Variants in SMG1 observed in about 807,000 individuals in gnomAD.
The protein encoded by SMG1 is serine/threonine-protein kinase SMG1.
In SMG1, 22 loss-of-function variants were observed where a neutral mutation model predicts 419.9. The ratio of observed to expected loss-of-function variants is 0.05; its 90% CI spans 0.04 to 0.07. SMG1 has a LOEUF of 0.07. SMG1 is among the 10% of genes least tolerant of loss of function. The pLI is 1.00. For synonymous variants in SMG1, 1,538 were observed against 1,553.5 expected (o/e 0.99, Z 0.23); for missense variants, 3,185 against 4,342.0 (o/e 0.73, Z 7.49).
Position 18,885,542 on chromosome 16 carries a change from C to G in SMG1, c.947G>C (p.Arg316Thr). Reference sequence around the variant, plus strand: ...TGAAAAGCGGAATGAGGAACTCACCCTAAAATTAGTGCTGAAAATATGAGG... The same window carrying G: ...TGAAAAGCGGAATGAGGAACTCACCGTAAAATTAGTGCTGAAAATATGAGG... Reference protein sequence around the residue: ...CYPHIFSTNFRDTVDILVGWH... With the variant: ...CYPHIFSTNFTDTVDILVGWH... The change falls in exon 7 of 63, where the codon AGG becomes ACG. Residue 316 changes from arginine (R) to threonine (T), a missense_variant and splice_region_variant. Arg to Thr is a moderately conservative substitution (Grantham distance 71). Transcript: ENST00000446231. 6.3e-7 allele frequency: 1 copy of G among 1,596,020 alleles called. No homozygotes were observed. Among genetic ancestry groups the G allele is most frequent in the Non-Finnish European group, 8.5e-7 (1 of 1,179,544 alleles).
intron 1 of SMG1, among the ~76,000 whole-genome samples, chr16:18,898,069 G>C (rs546532796): frequency 4.6e-5 from 7 of 152,256 alleles, no homozygotes; most frequent in Non-Finnish European, 7.4e-5. Context: ...AGCAGTGTTT[G>C]TATACTGTAT....
At chr16:18,922,061 T>C (rs1208781047) in intron 1 of SMG1, among the ~76,000 whole-genome samples, 1 of 152,246 alleles carries the variant, frequency 6.6e-6, no homozygotes, top group African/African-American at 2.4e-5. Flanking sequence ...TTCTGTTGAC[T>C]TGAATGCCTT....
At chr16:18,850,584 C>T in intron 33 of SMG1, 117 bp from the exon 34 acceptor site, 1 of 670,940 alleles carries the variant, frequency 1.5e-6, no homozygotes, top group Non-Finnish European at 2.5e-6. Flanking sequence ...AATTATCCCA[C>T]ATTTAGTGTT....
In SMG1 at chr16:18,847,479, T is replaced by C. The variant is rs1455530475; in HGVS notation, c.5970A>G (p.Arg1990=). ...RIQQLEDEVK[R]VQNNNTLRKE... ...TGCGTAAGGTGTTGTTGTTCTGGAC[T>C]CTCTTCACCTCATCTTCAAGCTGCT... Residue 1990 remains arginine (R), a synonymous_variant, in exon 38 of 63, where the codon AGA becomes AGG. Coordinates refer to ENST00000446231, the MANE Select transcript of SMG1 (RefSeq NM_015092.5). The C allele has an allele frequency of 2.5e-6, 4 of 1,614,046 alleles. No homozygotes were observed. Among genetic ancestry groups the C allele is most frequent in the Non-Finnish European group, 3.4e-6 (4 of 1,179,878 alleles).
chr16:18,868,095 A>T lies in SMG1; in HGVS notation c.3195+95T>A, dbSNP rs1596553850. On this transcript the variant is annotated intron_variant, in intron 22 of 62. Transcript: ENST00000446231. ...CCTTTGAAAATGAATCCAAGCTTTA[A>T]CTTATTTTATCCATAGATTAAATCA... The T allele has an allele frequency of 1.2e-5, 11 of 881,522 alleles. No homozygotes were observed. In the East Asian group the frequency reaches 2.9e-4, roughly 23 times the overall value. 54.6% of individuals were successfully genotyped at this position (881,522 alleles called of 1,614,324 possible). A position where few individuals can be genotyped will look rare whatever the true frequency, so the allele number is the denominator to read the frequency against.
At chr16:18,833,428 G>A (rs1288204740) in intron 50 of SMG1, among the ~76,000 whole-genome samples, 1 of 151,966 alleles carries the variant, frequency 6.6e-6, no homozygotes, top group Non-Finnish European at 1.5e-5. Flanking sequence ...TTCCTAGGAT[G>A]ATGTACCTTA....
chr16:18,828,005 T>C (rs765034983), intron 55 of SMG1, 26 bp downstream of exon 55: 6 of 1,602,260 alleles, frequency 3.7e-6, no homozygotes, highest in Non-Finnish European at 5.1e-6. Context: ...GAAAATGCCC[T>C]GGAAGGAAGA....
chr16:18,915,478 A>G (rs2037934543), intron 1 of SMG1, among the ~76,000 whole-genome samples: 1 of 152,152 alleles, frequency 6.6e-6, no homozygotes, highest in Non-Finnish European at 1.5e-5. Context: ...ACAAACTTGC[A>G]GGATCTCATT....
chr16:18,877,869 A>G (rs1185181760), intron 11 of SMG1: 6 of 152,230 alleles, frequency 3.9e-5, no homozygotes, highest in Non-Finnish European at 7.3e-5. Flanking sequence ...ACATTAGTAA[A>G]AAGAGGTGTA....
At position 18,839,799 on chromosome 16, in the gene SMG1, C is replaced by A. The variant is rs369440898; in HGVS notation, c.6844G>T (p.Ala2282Ser). 5 of 1,613,838 alleles carry A rather than the reference C, an allele frequency of 3.1e-6. No individual in the cohort carries two copies. Among genetic ancestry groups the A allele is most frequent in the Non-Finnish European group, 4.2e-6 (5 of 1,179,890 alleles). Reference sequence around the variant, plus strand: ...GCCTCCATTAACTCTTCCAATACTGCCTTCATTACATGAAGAGGCCAATCC... The same window carrying A: ...GCCTCCATTAACTCTTCCAATACTGACTTCATTACATGAAGAGGCCAATCC... Reference protein sequence around the residue: ...RRDWPLHVMKAVLEELMEATP... With the variant: ...RRDWPLHVMKSVLEELMEATP... Residue 2282 changes from alanine (A) to serine (S), a missense_variant, in exon 42 of 63, where the codon GCA becomes TCA. Physicochemically the swap from Ala to Ser is moderately conservative, Grantham distance 99. This residue lies in a region of SMG1 where 132 missense variants were observed against 151.0 expected (regional missense o/e 0.87). Coordinates refer to ENST00000446231, the MANE Select transcript of SMG1 (RefSeq NM_015092.5).
chr16:18,876,050 G>A, intron 13 of SMG1, 74 bp downstream of exon 13: 1 of 1,491,894 alleles, frequency 6.7e-7, no homozygotes, highest in Non-Finnish European at 9.3e-7. Flanking sequence ...TGACATGACA[G>A]TGAAATACAT....
At chr16:18,902,016 A>G (rs2037367798) in intron 1 of SMG1, among the ~76,000 whole-genome samples, 1 of 151,206 alleles carries the variant, frequency 6.6e-6, no homozygotes, top group African/African-American at 2.4e-5. Flanking sequence ...GCCACAGCAG[A>G]GTCTAATAAT....
chr16:18,830,776 A>G (rs564349511), intron 51 of SMG1, among the ~76,000 whole-genome samples: 7 of 152,162 alleles, frequency 4.6e-5, no homozygotes, highest in Non-Finnish European at 1.0e-4. Context: ...CTGGGCAACA[A>G]GAGCGAAACT....
chr16:18,890,346 A>G (rs1377320778), intron 5 of SMG1, among the ~76,000 whole-genome samples: 1 of 152,234 alleles, frequency 6.6e-6, no homozygotes, highest in Non-Finnish European at 1.5e-5. Flanking sequence ...TAAAAAAAAT[A>G]AAATATTCCA....
chr16:18,833,339 C>T (rs930942793), intron 50 of SMG1, among the ~76,000 whole-genome samples, 173 bp from the exon 51 acceptor site: 4 of 151,954 alleles, frequency 2.6e-5, no homozygotes, highest in Non-Finnish European at 5.9e-5. Context: ...ATTTTCTTTT[C>T]AAATTCTATT....
intron 1 of SMG1, among the ~76,000 whole-genome samples, chr16:18,915,812 T>C (rs2037950353): frequency 1.3e-5 from 2 of 151,998 alleles, no homozygotes; most frequent in Non-Finnish European, 2.9e-5. Flanking sequence ...CTCACGCCTG[T>C]AATCCCAGCA....
Position 18,807,049 on chromosome 16 carries a change from G to A in SMG1, c.*2520C>T, listed in dbSNP as rs1220817266. 1.3e-5 allele frequency: 2 copies of A among 152,124 alleles called. No individual in the cohort carries two copies. The highest frequency in any genetic ancestry group is 1.9e-4 in the East Asian group (1 of 5,198). 9.4% of individuals were successfully genotyped at this position (152,124 alleles called of 1,614,324 possible). A position where few individuals can be genotyped will look rare whatever the true frequency, so the allele number is the denominator to read the frequency against. On this transcript the variant is annotated 3_prime_UTR_variant, in exon 63 of 63. Coordinates refer to ENST00000446231, the MANE Select transcript of SMG1 (RefSeq NM_015092.5). ...GTGTATGCCACATTATTCTTGGAGG[G>A]ACCACTTTAAAACAAAAGTGATGGA...
At chr16:18,831,993 ATTAATAT>A (rs1336642318) in intron 51 of SMG1, among the ~76,000 whole-genome samples, 6 of 152,090 alleles carry the variant, frequency 3.9e-5, no homozygotes, top group Non-Finnish European at 7.4e-5. Flanking sequence ...TTTCTGCATT[ATTAATAT>A]TTAAGAATGA....
At chr16:18,895,501 C>CAAA (rs34296177) in intron 3 of SMG1, among the ~76,000 whole-genome samples, 1 of 141,976 alleles carries the variant, frequency 7.0e-6, no homozygotes, top group Non-Finnish European at 1.5e-5. Context: ...AAAACAACAA[C>CAAA]AAAAAAAAAA....
Sources: allele counts gnomAD v4.1 joint callset (sites outside exome capture counted in the v4.1 genomes callset), GRCh38; gene constraint gnomAD v4.1.1; regional missense constraint gnomAD v4.1.1; transcripts MANE v1.5; gene names NCBI Gene and HGNC (gene_info 2026-07-23, HGNC 2026-07-21).